The following CALN1 variants were observed in gnomAD, a reference collection of about 807,000 sequenced individuals.
CALN1 encodes calneuron 1.
A neutral mutation model predicts 30.6 loss-of-function variants in CALN1; 17 were observed. The ratio of observed to expected loss-of-function variants is 0.56; its 90% confidence interval spans 0.38 to 0.83. The LOEUF is 0.83. Ranked by LOEUF, CALN1 falls within the 40% of genes least tolerant of loss-of-function variation. The pLI, the probability that CALN1 is intolerant of heterozygous loss-of-function variation, is 0.00. For missense variants in CALN1, 291 were observed against 354.9 expected, an observed-to-expected ratio of 0.82 and a Z score of 1.45; for synonymous variants, 156 against 131.4, an observed-to-expected ratio of 1.19 and a Z score of -1.28.
At chr7:72,205,482 C>A (rs1486182253) in intron 3 of CALN1, among the ~76,000 whole-genome samples, 1 of 147,016 alleles carries the variant, frequency 6.8e-6, no homozygotes, top group Non-Finnish European at 1.5e-5. Context: ...GGATTACAGG[C>A]ATGAGCCACC....
chr7:72,354,871 T>C (rs944967862), intron 2 of CALN1, among the ~76,000 whole-genome samples: 20 of 152,084 alleles, frequency 1.3e-4, no homozygotes, highest in South Asian at 1.0e-3. Flanking sequence ...TTTTGAGAAC[T>C]TGAGTAAGCA....
chr7:71,779,649 A>G lies in CALN1; in HGVS notation c.*8126T>C, dbSNP rs1444396895. The stretch of plus-strand genomic sequence containing the variant: ...TACACTAAGATAACATATTAATAAT[A>G]TATACTTCATTTGATCGGTAAGTTG... On this transcript the variant is annotated 3_prime_UTR_variant, in exon 7 of 7. Transcript: ENST00000395275. 1 of 152,192 alleles carries G rather than the reference A, an allele frequency of 6.6e-6. No individual in the cohort carries two copies. The highest frequency in any genetic ancestry group is 1.5e-5 in the Non-Finnish European group (1 of 68,044). 9.4% of individuals were successfully genotyped at this position (152,192 alleles called of 1,614,324 possible).
chr7:71,984,564 T>A (rs190579502), intron 5 of CALN1, among the ~76,000 whole-genome samples: 3 of 152,284 alleles, frequency 2.0e-5, no homozygotes, highest in Admixed American at 2.0e-4. Flanking sequence ...CTCCAGTGAC[T>A]CATGAACATG....
chr7:72,333,890 G>A (rs1345940905), intron 2 of CALN1, among the ~76,000 whole-genome samples: 6 of 152,116 alleles, frequency 3.9e-5, no homozygotes, highest in Non-Finnish European at 8.8e-5. Context: ...TTCACTCAAC[G>A]AATATAGGGC....
chr7:71,794,481 C>G (rs1241553951), intron 6 of CALN1, among the ~76,000 whole-genome samples: 1 of 152,188 alleles, frequency 6.6e-6, no homozygotes, highest in Non-Finnish European at 1.5e-5. Context: ...CAAGATCTGA[C>G]TTCTTCTCCT....
chr7:72,072,639 G>C (rs59143033), intron 4 of CALN1, among the ~76,000 whole-genome samples: 40 of 152,132 alleles, frequency 2.6e-4, no homozygotes, highest in Non-Finnish European at 4.7e-4. Context: ...TGTAACATTG[G>C]TTTGTAACTC....
intron 3 of CALN1, among the ~76,000 whole-genome samples, chr7:72,167,614 G>C (rs1362727224): frequency 1.3e-5 from 2 of 152,148 alleles, no homozygotes; most frequent in African/African-American, 4.8e-5. Context: ...CAAAGTGCTG[G>C]GATTACAGGC....
chr7:72,328,357 T>G (rs375030670), intron 2 of CALN1, among the ~76,000 whole-genome samples: 47 of 152,228 alleles, frequency 3.1e-4, no homozygotes, highest in East Asian at 1.4e-3. Context: ...ATTTCATGGT[T>G]TTACAAATGG....
At chr7:71,883,118 T>C (rs1321558394) in intron 5 of CALN1, among the ~76,000 whole-genome samples, 3 of 148,394 alleles carry the variant, frequency 2.0e-5, no homozygotes, top group South Asian at 2.1e-4. Flanking sequence ...GTGATATATA[T>C]ATCTATAGCT....
intron 1 of CALN1, among the ~76,000 whole-genome samples, chr7:72,418,589 C>T (rs1001896567): frequency 2.0e-5 from 3 of 152,162 alleles, no homozygotes; most frequent in African/African-American, 7.2e-5. Flanking sequence ...ATATTCACCA[C>T]TTCTGGACAA....
chr7:71,825,326 C>T (rs1788847485), intron 5 of CALN1, among the ~76,000 whole-genome samples: 1 of 152,100 alleles, frequency 6.6e-6, no homozygotes, highest in African/African-American at 2.4e-5. Flanking sequence ...GCAGTTTCCC[C>T]CATACTGTTC....
chr7:72,117,602 C>T (rs1808077080), intron 3 of CALN1, among the ~76,000 whole-genome samples: 5 of 152,024 alleles, frequency 3.3e-5, no homozygotes, highest in Admixed American at 3.3e-4. Flanking sequence ...TTGGCCCAAA[C>T]TGGGGTCTGT....
intron 4 of CALN1, among the ~76,000 whole-genome samples, chr7:72,096,953 C>A (rs28411695): frequency 0.23 from 34,578 of 152,098 alleles, 4,873 homozygotes; most frequent in East Asian, 0.69. Context: ...ATGTGGCACA[C>A]ATACACCACG....
At chr7:71,878,843 G>GACA (rs1792404788) in intron 5 of CALN1, among the ~76,000 whole-genome samples, 1 of 152,206 alleles carries the variant, frequency 6.6e-6, no homozygotes, top group Non-Finnish European at 1.5e-5. Context: ...CTGAATTCCT[G>GACA]GTGACCCAGA....
chr7:71,791,075 G>T (rs1236159533), intron 6 of CALN1, among the ~76,000 whole-genome samples: 1 of 152,148 alleles, frequency 6.6e-6, no homozygotes, highest in African/African-American at 2.4e-5. Context: ...TTAATACCAG[G>T]TAAGAAGTAG....
At chr7:72,062,827 T>G (rs572956572) in intron 4 of CALN1, among the ~76,000 whole-genome samples, 2 of 152,160 alleles carry the variant, frequency 1.3e-5, no homozygotes, top group Admixed American at 1.3e-4. Flanking sequence ...ATTCACAGTT[T>G]AAAACTTTCC....
chr7:71,812,543 A>G (rs913024089), intron 5 of CALN1, among the ~76,000 whole-genome samples: 14 of 152,160 alleles, frequency 9.2e-5, no homozygotes, highest in African/African-American at 3.4e-4. Flanking sequence ...GTGATTCACA[A>G]TTGAAATTAG....
chr7:72,312,065 T>C (rs1239523982), intron 2 of CALN1, among the ~76,000 whole-genome samples: 1 of 152,062 alleles, frequency 6.6e-6, no homozygotes, highest in Non-Finnish European at 1.5e-5. Flanking sequence ...TGGACATTGC[T>C]AAAAGCCACC....
intron 4 of CALN1, among the ~76,000 whole-genome samples, chr7:72,100,822 A>AG (rs1491443073): frequency 2.2e-5 from 1 of 45,964 alleles, no homozygotes; most frequent in Non-Finnish European, 3.7e-5. Flanking sequence ...TCCGTCTCAC[A>AG]AAAAAAAAAA....
Sources: allele counts gnomAD v4.1 joint callset (sites outside exome capture counted in the v4.1 genomes callset), GRCh38; gene constraint gnomAD v4.1.1; transcripts MANE v1.5; gene names NCBI Gene and HGNC (gene_info 2026-07-23, HGNC 2026-07-21).